COL24A1: variants seen among roughly 807,000 people sequenced by gnomAD.
The protein encoded by COL24A1 is collagen alpha-1(XXIV) chain.
Under a neutral mutation model 253.9 loss-of-function variants are expected in COL24A1, and 224 were observed. The observed-to-expected ratio is 0.88, with a 90% CI of 0.79 to 0.99. The LOEUF (loss-of-function observed/expected upper bound fraction) is 0.99, where lower values mean the gene tolerates loss of function less well. Among genes scored for constraint, COL24A1 ranks in the 50% least tolerant of loss-of-function variants. The pLI, the probability that COL24A1 is intolerant of heterozygous loss-of-function variation, is 0.00. For synonymous variants in COL24A1, 685 were observed against 673.7 expected (o/e 1.02, Z -0.26); for missense variants, 2,131 against 2,068.5 (o/e 1.03, Z -0.59).
rs376609669 is a variant in COL24A1 at position 86,069,989 on chromosome 1, C to T, written c.1708-6230G>A. On this transcript the variant is annotated intron_variant, in intron 7 of 59. Coordinates refer to ENST00000370571, the MANE Select transcript of COL24A1 (RefSeq NM_152890.7). ...CTCACCAAATGAACTAAATAAGGCACGGGGCCAATTCTTGAGAAACAGAGA... is the reference window on the plus strand; with the variant it reads ...CTCACCAAATGAACTAAATAAGGCATGGGGCCAATTCTTGAGAAACAGAGA... 1.7e-4 allele frequency among the ~76,000 whole-genome samples: 26 copies of T among 152,244 alleles called. No homozygotes were observed. In the South Asian group the frequency reaches 1.9e-3, roughly 11 times the overall value.
At chr1:86,021,877 C>G (rs1050092464) in intron 18 of COL24A1, among the ~76,000 whole-genome samples, 2 of 152,060 alleles carry the variant, frequency 1.3e-5, no homozygotes, top group African/African-American at 2.4e-5. Flanking sequence ...TTTCTTCAGA[C>G]TGTTTCCTTA....
chr1:85,847,908 A>G (rs1677319112), intron 38 of COL24A1, 136 bp from the exon 39 acceptor site: 2 of 474,096 alleles, frequency 4.2e-6, no homozygotes, highest in Non-Finnish European at 7.5e-6. Flanking sequence ...CAACAATAAC[A>G]TACCATCACT....
At chr1:86,063,816 A>G in intron 7 of COL24A1, 57 bp from the exon 8 acceptor site, 1 of 1,315,302 alleles carries the variant, frequency 7.6e-7, no homozygotes, top group Non-Finnish European at 1.0e-6. Flanking sequence ...AAGCCAAATA[A>G]CGAAACATAG....
chr1:85,782,637 G>A (rs1421379989), intron 51 of COL24A1, among the ~76,000 whole-genome samples: 1 of 152,194 alleles, frequency 6.6e-6, no homozygotes, highest in Non-Finnish European at 1.5e-5. Context: ...TTTATTGTAA[G>A]AGTTAGGAAA....
intron 28 of COL24A1, among the ~76,000 whole-genome samples, chr1:85,897,269 A>T (rs916362823): frequency 5.9e-5 from 9 of 152,082 alleles, no homozygotes; most frequent in Non-Finnish European, 8.8e-5. Flanking sequence ...CGGGGGAGGG[A>T]GTGTATCAGG....
At chr1:85,736,583 G>A (rs1288341126) in intron 58 of COL24A1, 1 of 438,512 alleles carries the variant, frequency 2.3e-6, no homozygotes, top group Admixed American at 2.4e-5. Context: ...TTGATGGAAT[G>A]CCCTGGTTAA....
chr1:85,824,472 C>T (rs140798900), intron 43 of COL24A1, among the ~76,000 whole-genome samples: 4 of 152,280 alleles, frequency 2.6e-5, no homozygotes, highest in African/African-American at 9.6e-5. Context: ...TCAACCTCTT[C>T]CTCCTCCGAA....
intron 4 of COL24A1, 54 bp from the exon 5 acceptor site, chr1:86,112,674 G>A (rs1268934559): frequency 2.0e-6 from 3 of 1,505,258 alleles, no homozygotes; most frequent in Non-Finnish European, 2.8e-6. Flanking sequence ...ATGGAACAAA[G>A]TACAATTGCT....
chr1:86,087,578 T>C (rs1354779507), intron 7 of COL24A1, among the ~76,000 whole-genome samples: 1 of 152,170 alleles, frequency 6.6e-6, no homozygotes, highest in Non-Finnish European at 1.5e-5. Flanking sequence ...ATCATTTAAC[T>C]ACAGAAAGTA....
chr1:85,852,748 A>G (rs1251365436), intron 37 of COL24A1, among the ~76,000 whole-genome samples: 1 of 152,176 alleles, frequency 6.6e-6, no homozygotes, highest in African/African-American at 2.4e-5. Context: ...TTGTGTTGGA[A>G]ATTGCATTTA....
chr1:85,790,005 A>T (rs979843480), intron 47 of COL24A1, among the ~76,000 whole-genome samples: 10 of 152,156 alleles, frequency 6.6e-5, no homozygotes, highest in African/African-American at 2.4e-4. Flanking sequence ...ATTGGCCTTA[A>T]GTTTTCTTTT....
chr1:86,092,176 A>T, intron 6 of COL24A1, 91 bp downstream of exon 6: 3 of 961,984 alleles, frequency 3.1e-6, no homozygotes, highest in Middle Eastern at 3.2e-4. Context: ...TTCCTGTCTG[A>T]TACAGTAAAA....
chr1:85,895,902 C>A lies in COL24A1; in HGVS notation c.2878G>T (p.Gly960Cys). Reference protein sequence around the residue: ...QGKRGPHGLIGKTGNPGERGF... With the variant: ...QGKRGPHGLICKTGNPGERGF... ...CTTTCTCCAGGGTTTCCAGTCTTAC[C>A]CTACATGAGAAAGAAAATTCTTGAG... The change falls in exon 31 of 60, where the codon GGT becomes TGT. Residue 960 changes from glycine to cysteine, a missense_variant and splice_region_variant. Gly to Cys is a radical substitution (Grantham distance 159, BLOSUM62 -3). Transcript: ENST00000370571. 1 of 1,607,790 alleles carries A rather than the reference C, an allele frequency of 6.2e-7. No individual in the cohort carries two copies. Among genetic ancestry groups the A allele is most frequent in the Non-Finnish European group, 8.5e-7 (1 of 1,178,330 alleles).
chr1:85,911,229 CTA>C lies in COL24A1; in HGVS notation c.2616+149_2616+150del, dbSNP rs1685331209. On this transcript the variant is annotated intron_variant, in intron 25 of 59. Transcript: ENST00000370571. ...AAATTAGAAACCTACATGCTGTTAG[CTA>C]TATTTCAATATATTTAAGATATTCA... The C allele has an allele frequency of 1.5e-5, 9 of 620,402 alleles. 1 individual carries two copies. The South Asian group carries it at 1.9e-4, about 13-fold the overall frequency. 38.4% of individuals were successfully genotyped at this position (620,402 alleles called of 1,614,324 possible).
At chr1:86,135,517 T>C (rs1650088348) in intron 2 of COL24A1, among the ~76,000 whole-genome samples, 1 of 152,086 alleles carries the variant, frequency 6.6e-6, no homozygotes, top group Non-Finnish European at 1.5e-5. Flanking sequence ...TAATCCTTTT[T>C]ATTATGTTCT....
At chr1:85,920,782 C>G (rs191409087) in intron 24 of COL24A1, among the ~76,000 whole-genome samples, 21 of 151,972 alleles carry the variant, frequency 1.4e-4, no homozygotes, top group African/African-American at 4.6e-4. Flanking sequence ...GACAGTTGTG[C>G]TTGTAAAGAA....
At chr1:86,083,885 AG>A (rs1702861687) in intron 7 of COL24A1, among the ~76,000 whole-genome samples, 1 of 152,218 alleles carries the variant, frequency 6.6e-6, no homozygotes, top group Non-Finnish European at 1.5e-5. Flanking sequence ...ATTATACTTA[AG>A]CAACTTATAC....
intron 22 of COL24A1, among the ~76,000 whole-genome samples, chr1:85,969,463 G>A (rs766150637): frequency 6.6e-6 from 1 of 151,484 alleles, no homozygotes; most frequent in African/African-American, 2.4e-5. Flanking sequence ...AAATTAGCAG[G>A]GCATGGTGGC....
chr1:85,858,103 T>C (rs925053741), intron 37 of COL24A1, among the ~76,000 whole-genome samples: 5 of 152,208 alleles, frequency 3.3e-5, no homozygotes, highest in African/African-American at 1.2e-4. Flanking sequence ...TGTTTTCTCA[T>C]TCCAAGCCAC....
Sources: allele counts gnomAD v4.1 joint callset (sites outside exome capture counted in the v4.1 genomes callset), GRCh38; gene constraint gnomAD v4.1.1; transcripts MANE v1.5; gene names NCBI Gene and HGNC (gene_info 2026-07-23, HGNC 2026-07-21).